MAP3K21: variants seen among roughly 807,000 people sequenced by gnomAD.
The protein encoded by MAP3K21 is mitogen-activated protein kinase kinase kinase 21, also known as mitogen-activated protein kinase kinase kinase MLK4.
MAP3K21 carries 63 observed loss-of-function variants against 86.1 expected under a neutral mutation model. That is an observed-to-expected ratio of 0.73 (90% CI 0.60 to 0.90). The LOEUF is 0.90. Ranked by LOEUF, MAP3K21 falls within the 40% of genes least tolerant of loss-of-function variation. The pLI, the probability that MAP3K21 is intolerant of heterozygous loss-of-function variation, is 0.00. For missense variants in MAP3K21, 1,220 were observed against 1,367.7 expected (o/e 0.89, Z 1.70); for synonymous variants, 558 against 564.8 (o/e 0.99, Z 0.17).
chr1:233,365,109 G>A (rs1226730518), intron 5 of MAP3K21, among the ~76,000 whole-genome samples: 3 of 152,086 alleles, frequency 2.0e-5, no homozygotes, highest in Non-Finnish European at 4.4e-5. Flanking sequence ...AAGCAAGCAT[G>A]TGTAACTTAA....
At chr1:233,355,728 AGGGTC>A (rs1663339480) in intron 4 of MAP3K21, among the ~76,000 whole-genome samples, 1 of 152,072 alleles carries the variant, frequency 6.6e-6, no homozygotes, top group African/African-American at 2.4e-5. Context: ...CCCAGTCTCA[AGGGTC>A]TTTTTGCAGT....
chr1:233,359,471 G>T (rs1486720028), intron 4 of MAP3K21, among the ~76,000 whole-genome samples: 1 of 152,162 alleles, frequency 6.6e-6, no homozygotes, highest in East Asian at 1.9e-4. Flanking sequence ...TAGTGTACGT[G>T]CCCTATCTCC....
chr1:233,363,876 C>CG (rs1211221604), intron 5 of MAP3K21, among the ~76,000 whole-genome samples: 1 of 149,220 alleles, frequency 6.7e-6, no homozygotes, highest in Non-Finnish European at 1.5e-5. Flanking sequence ...TAGCTGGGCA[C>CG]GGGGGCGGGT....
chr1:233,354,965 A>T lies in MAP3K21; in HGVS notation c.1265A>T (p.Lys422Ile). 6.2e-7 allele frequency: 1 copy of T among 1,614,092 alleles called. No individual in the cohort carries two copies. The highest frequency in any genetic ancestry group is 8.5e-7 in the Non-Finnish European group (1 of 1,179,938). The change falls in exon 4 of 10, where the codon AAA becomes ATA. Residue 422 changes from lysine to isoleucine, a missense_variant. Physicochemically the swap from Lys to Ile is moderately radical, Grantham distance 102. This residue lies in a region of MAP3K21 where 126 missense variants were observed against 127.7 expected (regional missense o/e 0.99). Transcript: ENST00000366624. ...ESFHSMQDDW[K>I]LEIQQMFDEL... ...TTTCATTCCATGCAAGATGACTGGA[A>T]ACTAGAAATTCAACAAATGTTTGAT...
At chr1:233,365,719 T>C (rs957857167) in intron 5 of MAP3K21, among the ~76,000 whole-genome samples, 2 of 152,196 alleles carry the variant, frequency 1.3e-5, no homozygotes, top group African/African-American at 4.8e-5. Flanking sequence ...TTAAATCTTA[T>C]GGCTATCTAT....
intron 1 of MAP3K21, among the ~76,000 whole-genome samples, chr1:233,339,992 T>A (rs1356865886): frequency 6.6e-6 from 1 of 152,190 alleles, no homozygotes; most frequent in Non-Finnish European, 1.5e-5. Context: ...TGCCAGTTGC[T>A]GTGCAGTATT....
chr1:233,359,080 T>A (rs1336791432), intron 4 of MAP3K21, among the ~76,000 whole-genome samples: 1 of 152,202 alleles, frequency 6.6e-6, no homozygotes, highest in Non-Finnish European at 1.5e-5. Context: ...CCCAAAATGC[T>A]GGGATTACAG....
chr1:233,372,002 C>G, intron 5 of MAP3K21, 36 bp from the exon 6 acceptor site: 3 of 1,595,604 alleles, frequency 1.9e-6, no homozygotes, highest in Non-Finnish European at 2.6e-6. Flanking sequence ...AAAGGAAAAC[C>G]ATGAAATACC....
intron 1 of MAP3K21, among the ~76,000 whole-genome samples, chr1:233,344,792 A>G (rs1323207764): frequency 6.6e-6 from 1 of 152,150 alleles, no homozygotes; most frequent in Non-Finnish European, 1.5e-5. Context: ...GAGTGAACAG[A>G]CAACCTACAG....
intron 5 of MAP3K21, among the ~76,000 whole-genome samples, chr1:233,363,125 C>T (rs1663497167): frequency 6.6e-6 from 1 of 152,198 alleles, no homozygotes. Context: ...GCAGACTTCA[C>T]TTTTATAGAA....
At chr1:233,351,038 TTA>T (rs2102765535) in intron 2 of MAP3K21, among the ~76,000 whole-genome samples, 1 of 152,320 alleles carries the variant, frequency 6.6e-6, no homozygotes, top group Admixed American at 6.5e-5. Context: ...TGCTATTTTT[TTA>T]AGTTTTGTTA....
At position 233,382,747 on chromosome 1, in the gene MAP3K21, A is replaced by C. The variant is rs1252074007; in HGVS notation, c.*36A>C. Reference sequence around the variant, plus strand: ...TTACTGTTGTTTAAGCATTTTTTTAAGGTGAACAAATGAACACAATGTATC... The same window carrying C: ...TTACTGTTGTTTAAGCATTTTTTTACGGTGAACAAATGAACACAATGTATC... On this transcript the variant is annotated 3_prime_UTR_variant, in exon 10 of 10. Coordinates refer to ENST00000366624, the MANE Select transcript of MAP3K21 (RefSeq NM_032435.3). The C allele has an allele frequency of 1.3e-6, 2 of 1,565,820 alleles. No individual in the cohort carries two copies. Among genetic ancestry groups the C allele is most frequent in the Admixed American group, 3.4e-5 (2 of 58,654 alleles).
At chr1:233,365,894 T>C (rs906177520) in intron 5 of MAP3K21, among the ~76,000 whole-genome samples, 1 of 152,200 alleles carries the variant, frequency 6.6e-6, no homozygotes, top group East Asian at 1.9e-4. Context: ...TGCAATCCCA[T>C]GTTTATGGCA....
rs763663114 is a variant in MAP3K21, at chr1:233,328,805, C to T, written c.777C>T (p.Ile259=). 6.5e-7 allele frequency: 1 copy of T among 1,539,966 alleles called. No homozygotes were observed. Among genetic ancestry groups the T allele is most frequent in the Non-Finnish European group, 8.8e-7 (1 of 1,142,016 alleles). ...TGCATGAGGAGGCCTTCGTGCCCAT[C>T]CTGCACCGGGACCTCAAGTCCAGCA... ...LYLHEEAFVP[I]LHRDLKSSNI... Residue 259 remains isoleucine, a synonymous_variant, in exon 1 of 10, where the codon ATC becomes ATT. Coordinates refer to ENST00000366624, the MANE Select transcript of MAP3K21 (RefSeq NM_032435.3). This position sits in a 1 kb window ranked among gnomAD's most constrained non-coding sequence, Gnocchi z 8.7.
At chr1:233,350,490 CGAT>C (rs1424464798) in intron 2 of MAP3K21, among the ~76,000 whole-genome samples, 6 of 151,998 alleles carry the variant, frequency 3.9e-5, no homozygotes, top group African/African-American at 1.5e-4. Flanking sequence ...AAGTCTCTTT[CGAT>C]GATATTTCCA....
chr1:233,382,184 T>C (rs1224102571), intron 9 of MAP3K21, 121 bp from the exon 10 acceptor site: 2 of 877,350 alleles, frequency 2.3e-6, no homozygotes, highest in East Asian at 5.2e-5. Flanking sequence ...ATGTTTTTTG[T>C]TGAAGCTCAT....
At chr1:233,336,899 A>C (rs1662926748) in intron 1 of MAP3K21, among the ~76,000 whole-genome samples, 1 of 152,230 alleles carries the variant, frequency 6.6e-6, no homozygotes, top group African/African-American at 2.4e-5. Flanking sequence ...TCTGCTGATA[A>C]ATGTATGGTA....
At chr1:233,355,606 G>A (rs1441726192) in intron 4 of MAP3K21, among the ~76,000 whole-genome samples, 1 of 152,172 alleles carries the variant, frequency 6.6e-6, no homozygotes, top group African/African-American at 2.4e-5. Flanking sequence ...AAAAGGGGCT[G>A]CATATAATCT....
At position 233,330,391 on chromosome 1, in the gene MAP3K21, A is replaced by C. The variant is rs148733998; in HGVS notation, c.805+1558A>C. Among the ~76,000 whole-genome samples the C allele has an allele frequency of 6.1e-3, 929 of 152,354 alleles. 8 individuals are homozygous for C. Among genetic ancestry groups the C allele is most frequent in the African/African-American group, 0.021 (887 of 41,578 alleles). On this transcript the variant is annotated intron_variant, in intron 1 of 9. Coordinates refer to ENST00000366624, the MANE Select transcript of MAP3K21 (RefSeq NM_032435.3). ...GCTTGCTTTTGAACTGTGTTACAGT[A>C]AAAACAGAGCGCAATTTCCTAAAAT...
Sources: allele counts gnomAD v4.1 joint callset (sites outside exome capture counted in the v4.1 genomes callset), GRCh38; gene constraint gnomAD v4.1.1; regional missense constraint gnomAD v4.1.1; non-coding constraint Gnocchi (gnomAD v3.1); transcripts MANE v1.5; gene names NCBI Gene and HGNC (gene_info 2026-07-23, HGNC 2026-07-21).